Variants in DAGLB observed in about 807,000 individuals in gnomAD.
DAGLB encodes diacylglycerol lipase beta.
In DAGLB, 66 loss-of-function variants were observed where a neutral mutation model predicts 72.1. The ratio of observed to expected loss-of-function variants is 0.92; its 90% CI spans 0.75 to 1.12. The LOEUF (loss-of-function observed/expected upper bound fraction) is 1.12. DAGLB is among the 50% of genes most tolerant of loss of function. The probability of loss-of-function intolerance (pLI) is 0.00; values close to 1 mark genes in which losing one functional copy is unlikely to be tolerated. For synonymous variants in DAGLB, 414 were observed against 359.5 expected, an observed-to-expected ratio of 1.15 and a Z score of -1.71; for missense variants, 1,065 against 884.9, an observed-to-expected ratio of 1.20 and a Z score of -2.58.
intron 11 of DAGLB, among the ~76,000 whole-genome samples, chr7:6,415,852 A>G (rs1364230228): frequency 6.7e-6 from 1 of 149,328 alleles, no homozygotes; most frequent in Non-Finnish European, 1.5e-5. Flanking sequence ...CTCAAAAAAA[A>G]AAAAAAAAGT....
In DAGLB at chr7:6,410,200, A is replaced by T. The variant is rs1228685001; in HGVS notation, c.1750T>A (p.Ser584Thr). ...SFSSDSPLDS[S>T]PKYPPLYPPG... is the part of the protein sequence containing the mutation. ...GGGTAGAGAGGGGGGTACTTGGGAGAAGAGTCCAGTGGGGAGTCGCTGGAG... is the reference window on the plus strand; with the variant it reads ...GGGTAGAGAGGGGGGTACTTGGGAGTAGAGTCCAGTGGGGAGTCGCTGGAG... The change falls in exon 14 of 15, where the codon TCT becomes ACT. Residue 584 changes from serine (S) to threonine (T), a missense_variant. Ser to Thr is a moderately conservative substitution (Grantham distance 58, BLOSUM62 1). Transcript: ENST00000297056. The T allele has an allele frequency of 1.2e-6, 2 of 1,604,190 alleles. No individual in the cohort carries two copies. Among genetic ancestry groups the T allele is most frequent in the African/African-American group, 1.3e-5 (1 of 74,722 alleles).
chr7:6,436,501 T>G lies in DAGLB; in HGVS notation c.280A>C (p.Met94Leu), dbSNP rs367924632. ...AGGCGGATGTAAAGCAGCTTAGACA[T>G]AGACTTCCGCGGTCCAGGGTTACAA... ...TICNPGPRKSMSKLLYIRLAL... is the reference protein window; with the variant it reads ...TICNPGPRKSLSKLLYIRLAL... The change falls in exon 3 of 15, where the codon ATG (methionine) becomes CTG (leucine). Residue 94 changes from methionine (M) to leucine (L), a missense_variant. By Grantham distance (15) the Met-to-Leu change is conservative. Transcript: ENST00000297056. The G allele has an allele frequency of 1.2e-6, 2 of 1,614,184 alleles. No homozygotes were observed. The highest frequency in any genetic ancestry group is 4.5e-5 in the East Asian group (2 of 44,880).
At position 6,416,692 on chromosome 7, in the gene DAGLB, G is replaced by C. The variant is rs1028996608; in HGVS notation, c.1362C>G (p.Thr454=). 3 of 1,613,686 alleles carry C rather than the reference G, an allele frequency of 1.9e-6. No individual in the cohort carries two copies. In the African/African-American group the frequency reaches 4.0e-5, roughly 22 times the overall value. The change falls in exon 11 of 15, where the codon ACC becomes ACG. Residue 454 remains threonine, a synonymous_variant. Coordinates refer to ENST00000297056, the MANE Select transcript of DAGLB (RefSeq NM_139179.4). ...LGGGAAALLA[T]MLRAAYPQVR... ...CCTGCGGGTAGGCGGCTCTGAGCAT[G>C]GTGGCCAGCAGGGCGGCCGCCCCGC...
At chr7:6,412,743 G>T (rs989519865) in intron 13 of DAGLB, 68 bp downstream of exon 13, 1 of 1,528,688 alleles carries the variant, frequency 6.5e-7, no homozygotes, top group Non-Finnish European at 8.9e-7. Context: ...AATTCCTCCC[G>T]GCTCTCCACA....
At chr7:6,416,512 C>T (rs1224151694) in intron 11 of DAGLB, 115 bp downstream of exon 11, 8 of 1,471,644 alleles carry the variant, frequency 5.4e-6, no homozygotes, top group Non-Finnish European at 7.2e-6. Flanking sequence ...CACTGCACTC[C>T]AGCCTGGGCG....
At chr7:6,428,467 T>C (rs886823493) in intron 6 of DAGLB, among the ~76,000 whole-genome samples, 5 of 151,424 alleles carry the variant, frequency 3.3e-5, no homozygotes, top group African/African-American at 1.2e-4. Context: ...CTTACTTGTT[T>C]TTTGTTTTGT....
intron 2 of DAGLB, 156 bp downstream of exon 2, chr7:6,445,797 G>T (rs1317139376): frequency 2.4e-6 from 2 of 820,028 alleles, no homozygotes; most frequent in South Asian, 2.2e-5. Flanking sequence ...GAAGAAAATG[G>T]TATAAACTTG....
At chr7:6,445,108 A>G (rs967352207) in intron 2 of DAGLB, among the ~76,000 whole-genome samples, 1 of 152,208 alleles carries the variant, frequency 6.6e-6, no homozygotes, top group Non-Finnish European at 1.5e-5. Context: ...TTAACACATG[A>G]TCCAGCAATT....
intron 5 of DAGLB, 80 bp from the exon 6 acceptor site, chr7:6,430,687 G>T: frequency 7.3e-7 from 1 of 1,361,764 alleles, no homozygotes; most frequent in Non-Finnish European, 9.6e-7. Flanking sequence ...CCTGAAACCT[G>T]AACTCATTCC....
chr7:6,413,576 A>C (rs1425207253), intron 11 of DAGLB, among the ~76,000 whole-genome samples: 2 of 151,754 alleles, frequency 1.3e-5, no homozygotes, highest in Non-Finnish European at 2.9e-5. Context: ...CTGGCAGTGA[A>C]CTGAGATCGC....
In DAGLB at chr7:6,424,728, T is replaced by A. The variant is rs761175448; in HGVS notation, c.1140+24A>T. ...CCGCTCCCGCACCCACTCCCAGGGCTGGAAAGTCAGGTTCCAACGTTACCT... is the reference window on the plus strand; with the variant it reads ...CCGCTCCCGCACCCACTCCCAGGGCAGGAAAGTCAGGTTCCAACGTTACCT... On this transcript the variant is annotated intron_variant, in intron 8 of 14. Coordinates refer to ENST00000297056, the MANE Select transcript of DAGLB (RefSeq NM_139179.4). 18 of 1,612,282 alleles carry A rather than the reference T, an allele frequency of 1.1e-5. No homozygotes were observed. The South Asian group carries it at 2.0e-4, about 18-fold the overall frequency.
chr7:6,440,950 G>GT (rs1475788961), intron 2 of DAGLB, among the ~76,000 whole-genome samples: 4 of 151,378 alleles, frequency 2.6e-5, no homozygotes, highest in South Asian at 2.1e-4. Flanking sequence ...CTGACCATTG[G>GT]TTTTTTCTTT....
In DAGLB at chr7:6,413,045, A is replaced by G; in HGVS notation, c.1428-11T>C. On this transcript the variant is annotated splice_polypyrimidine_tract_variant and intron_variant, in intron 11 of 14. Coordinates refer to ENST00000297056, the MANE Select transcript of DAGLB (RefSeq NM_139179.4). ...TCCTGCAGAGCTTTGCTGAAATTCC[A>G]AACAGAGAGAGGATGTTAGCTTTAC... 3 of 1,611,224 alleles carry G rather than the reference A, an allele frequency of 1.9e-6. No individual in the cohort carries two copies. The highest frequency in any genetic ancestry group is 1.7e-6 in the Non-Finnish European group (2 of 1,177,880).
At chr7:6,447,596 G>T in intron 1 of DAGLB, 152 bp downstream of exon 1, 1 of 1,103,830 alleles carries the variant, frequency 9.1e-7, no homozygotes, top group Non-Finnish European at 1.2e-6. Context: ...CCACCTCTTC[G>T]GGCAGTGGTG....
intron 6 of DAGLB, among the ~76,000 whole-genome samples, chr7:6,428,153 T>G (rs976108928): frequency 1.3e-5 from 2 of 151,952 alleles, no homozygotes; most frequent in African/African-American, 2.4e-5. Flanking sequence ...TCGACCAGCC[T>G]GGCCAACACA....
intron 11 of DAGLB, among the ~76,000 whole-genome samples, chr7:6,415,581 G>A (rs1783880818): frequency 7.0e-6 from 1 of 143,400 alleles, no homozygotes; most frequent in African/African-American, 2.7e-5. Flanking sequence ...GCTCATGCCT[G>A]TAATCCCACC....
At chr7:6,418,670 GTTT>G (rs56699721) in intron 9 of DAGLB, among the ~76,000 whole-genome samples, 1 of 144,426 alleles carries the variant, frequency 6.9e-6, no homozygotes, top group South Asian at 2.2e-4. Context: ...TTCTTTTTTT[GTTT>G]TTTTTTTTTG....
At chr7:6,439,836 G>A (rs141702344) in intron 2 of DAGLB, among the ~76,000 whole-genome samples, 4,124 of 152,124 alleles carry the variant, frequency 0.027, 85 homozygotes, top group South Asian at 0.096. Flanking sequence ...TGGATCACCT[G>A]AGGTCAGGAG....
At chr7:6,425,866 G>A (rs1188261202) in intron 7 of DAGLB, 122 bp downstream of exon 7, 28 of 1,493,186 alleles carry the variant, frequency 1.9e-5, no homozygotes, top group Non-Finnish European at 2.5e-5. Flanking sequence ...TAGTACACAG[G>A]ACTTAGAAGT....
Sources: gnomAD v4.1 joint callset for allele counts (sites outside exome capture counted in the v4.1 genomes callset) on GRCh38, gnomAD v4.1.1 for gene constraint, MANE v1.5 for transcripts, NCBI Gene and HGNC (gene_info 2026-07-23, HGNC 2026-07-21) for gene names.